CBFA2T2: variants seen among roughly 807,000 people sequenced by gnomAD.
CBFA2T2 encodes the protein CBFA2/RUNX1 partner transcriptional co-repressor 2.
A neutral mutation model predicts 62.2 loss-of-function variants in CBFA2T2; 11 were observed. That is an observed-to-expected ratio of 0.18 (90% CI 0.11 to 0.29). The LOEUF is 0.29. CBFA2T2 is among the 10% of genes least tolerant of loss of function. The probability of loss-of-function intolerance (pLI) is 1.00; values close to 1 mark genes in which losing one functional copy is unlikely to be tolerated. For missense variants in CBFA2T2, 592 were observed against 774.1 expected (o/e 0.76, Z 2.79); for synonymous variants, 295 against 287.5 (o/e 1.03, Z -0.27).
intron 1 of CBFA2T2, among the ~76,000 whole-genome samples, chr20:33,495,693 A>G (rs1472482236): frequency 6.6e-6 from 1 of 152,198 alleles, no homozygotes; most frequent in East Asian, 1.9e-4. Flanking sequence ...TCTGTCTCAA[A>G]AAAAGAAAAA....
At chr20:33,577,877 C>T (rs777703983) in intron 1 of CBFA2T2, among the ~76,000 whole-genome samples, 5 of 151,954 alleles carry the variant, frequency 3.3e-5, no homozygotes, top group African/African-American at 4.8e-5. Flanking sequence ...CCATTCTTTG[C>T]GTGTAATAAA....
chr20:33,622,727 A>G (rs1390300990), intron 4 of CBFA2T2, among the ~76,000 whole-genome samples: 1 of 152,232 alleles, frequency 6.6e-6, no homozygotes, highest in East Asian at 1.9e-4. Context: ...GTTGGGGTCC[A>G]GAAGAGAGAA....
chr20:33,573,102 T>C (rs954614414), intron 1 of CBFA2T2, among the ~76,000 whole-genome samples: 2 of 152,182 alleles, frequency 1.3e-5, no homozygotes, highest in African/African-American at 2.4e-5. Context: ...CATTTGAATA[T>C]TTAGGTGCCT....
intron 1 of CBFA2T2, among the ~76,000 whole-genome samples, chr20:33,583,007 T>C (rs1416213096): frequency 6.6e-6 from 1 of 152,126 alleles, no homozygotes; most frequent in Non-Finnish European, 1.5e-5. Flanking sequence ...CCATATTCCC[T>C]TCTAGTTTTT....
intron 10 of CBFA2T2, among the ~76,000 whole-genome samples, chr20:33,642,960 A>G (rs764648378): frequency 9.9e-5 from 15 of 152,214 alleles, no homozygotes; most frequent in Non-Finnish European, 1.2e-4. Context: ...ACCTGGACCT[A>G]TCCCTGCAAA....
At chr20:33,639,888 CAA>C (rs1044737293) in intron 9 of CBFA2T2, among the ~76,000 whole-genome samples, 1 of 150,190 alleles carries the variant, frequency 6.7e-6, no homozygotes, top group Admixed American at 6.6e-5. Context: ...GGCCCTGTCT[CAA>C]AAAAAAAGAA....
At chr20:33,508,008 G>A (rs555723959) in intron 1 of CBFA2T2, among the ~76,000 whole-genome samples, 4 of 152,250 alleles carry the variant, frequency 2.6e-5, no homozygotes, top group Non-Finnish European at 5.9e-5. Context: ...GGGACTGAAA[G>A]TAGTTATGTA....
intron 1 of CBFA2T2, among the ~76,000 whole-genome samples, chr20:33,591,467 CA>C (rs11475752): frequency 0.47 from 45,455 of 97,102 alleles, 7,440 homozygotes; most frequent in East Asian, 0.65. Flanking sequence ...GAGTAAATCT[CA>C]AAAAAAAAAA....
chr20:33,540,750 C>G (rs186341207), intron 1 of CBFA2T2, among the ~76,000 whole-genome samples: 314 of 152,228 alleles, frequency 2.1e-3, no homozygotes, highest in Non-Finnish European at 3.4e-3. Context: ...CCGTAGTAAT[C>G]ATTCTAAACT....
Position 33,558,830 on chromosome 20 carries a change from GC to G in CBFA2T2, c.35-48125del, listed in dbSNP as rs940774898. On this transcript the variant is annotated intron_variant, in intron 1 of 10. Coordinates refer to ENST00000342704, the MANE Select transcript of CBFA2T2 (RefSeq NM_001032999.3). The stretch of plus-strand genomic sequence containing the variant: ...AATTTTTCGCCAACTGTTTGGGGGG[GC>G]GGCGATTCTTGAATCTTTATTTTAG... 2.2e-3 allele frequency among the ~76,000 whole-genome samples: 332 copies of G among 151,888 alleles called. 7 individuals carry two copies. Among genetic ancestry groups the G allele is most frequent in the African/African-American group, 7.8e-3 (320 of 41,268 alleles).
chr20:33,490,120 A>T lies in CBFA2T2; in HGVS notation c.-148A>T. ...CGGCGGCGGCGGCGACGGCGACAGC[A>T]GCGGTGGTGGTGTCTGGTTAGCTCG... On this transcript the variant is annotated 5_prime_UTR_variant, in exon 1 of 11. Coordinates refer to ENST00000342704, the MANE Select transcript of CBFA2T2 (RefSeq NM_001032999.3). The T allele has an allele frequency of 2.9e-6, 2 of 699,730 alleles. No individual in the cohort carries two copies. The highest frequency in any genetic ancestry group is 2.0e-5 in the African/African-American group (1 of 48,994). 43.3% of individuals were successfully genotyped at this position (699,730 alleles called of 1,614,324 possible). A position where few individuals can be genotyped will look rare whatever the true frequency, so the allele number is the denominator to read the frequency against.
chr20:33,534,750 GCT>G (rs1491541634), intron 1 of CBFA2T2, among the ~76,000 whole-genome samples: 1 of 83,316 alleles, frequency 1.2e-5, no homozygotes, highest in African/African-American at 4.4e-5. Flanking sequence ...TATCTTTTTA[GCT>G]TTTTTTTTTT....
chr20:33,577,491 T>G (rs2013884078), intron 1 of CBFA2T2, among the ~76,000 whole-genome samples: 1 of 152,228 alleles, frequency 6.6e-6, no homozygotes, highest in South Asian at 2.1e-4. Flanking sequence ...TAACAGCTTC[T>G]ATGCTTCAAT....
At chr20:33,609,362 T>C (rs1293832751) in intron 2 of CBFA2T2, among the ~76,000 whole-genome samples, 1 of 151,996 alleles carries the variant, frequency 6.6e-6, no homozygotes, top group East Asian at 1.9e-4. Flanking sequence ...ATTAGCTGGA[T>C]GTGGTGGTGC....
chr20:33,507,274 G>A (rs1001905764), intron 1 of CBFA2T2, among the ~76,000 whole-genome samples: 1 of 152,118 alleles, frequency 6.6e-6, no homozygotes, highest in African/African-American at 2.4e-5. Context: ...AGGTCCTGGA[G>A]GACTATGTAG....
intron 1 of CBFA2T2, among the ~76,000 whole-genome samples, chr20:33,561,910 A>G (rs760647929): frequency 6.6e-6 from 1 of 152,130 alleles, no homozygotes; most frequent in Non-Finnish European, 1.5e-5. Context: ...ATTTACATAC[A>G]TTTCTGTTTA....
chr20:33,540,490 T>C (rs569664763), intron 1 of CBFA2T2, among the ~76,000 whole-genome samples: 1 of 152,344 alleles, frequency 6.6e-6, no homozygotes, highest in African/African-American at 2.4e-5. Flanking sequence ...AGTAATCTTA[T>C]GGTACCACCT....
At chr20:33,533,432 C>T (rs115534124) in intron 1 of CBFA2T2, among the ~76,000 whole-genome samples, 2,171 of 152,224 alleles carry the variant, frequency 0.014, 49 homozygotes, top group African/African-American at 0.05. Context: ...ATCCTTTCTT[C>T]CTTTTTAGGT....
At chr20:33,600,627 C>T (rs1169140733) in intron 1 of CBFA2T2, among the ~76,000 whole-genome samples, 1 of 152,138 alleles carries the variant, frequency 6.6e-6, no homozygotes, top group African/African-American at 2.4e-5. Flanking sequence ...GGGCACTATT[C>T]AAACTATATC....
Sources: gnomAD v4.1 joint callset for allele counts (sites outside exome capture counted in the v4.1 genomes callset) on GRCh38, gnomAD v4.1.1 for gene constraint, MANE v1.5 for transcripts, NCBI Gene and HGNC (gene_info 2026-07-23, HGNC 2026-07-21) for gene names.